Variants in NLGN1 observed in about 807,000 individuals in gnomAD.
NLGN1 encodes neuroligin-1.
NLGN1 carries 12 observed loss-of-function variants against 65.5 expected under a neutral mutation model. The ratio of observed to expected loss-of-function variants is 0.18; its 90% confidence interval spans 0.12 to 0.30. NLGN1 has a LOEUF of 0.30. Ranked by LOEUF, NLGN1 falls within the 10% of genes least tolerant of loss-of-function variation. The pLI, the probability that NLGN1 is intolerant of heterozygous loss-of-function variation, is 1.00. For synonymous variants in NLGN1, 350 were observed against 359.5 expected (o/e 0.97, Z 0.30); for missense variants, 750 against 1,007.1 (o/e 0.74, Z 3.46).
At chr3:173,524,568 C>T (rs1735321284) in intron 2 of NLGN1, among the ~76,000 whole-genome samples, 1 of 152,116 alleles carries the variant, frequency 6.6e-6, no homozygotes, top group South Asian at 2.1e-4. Context: ...TTTCTCTTGC[C>T]TGTTTGCTCT....
At chr3:173,493,910 T>C (rs989323170) in intron 2 of NLGN1, among the ~76,000 whole-genome samples, 2 of 151,832 alleles carry the variant, frequency 1.3e-5, no homozygotes, top group African/African-American at 2.4e-5. Flanking sequence ...AAAAATTTAT[T>C]AAAATTGAAA....
At chr3:173,675,887 T>TCTCTCTCTCTCTCTCTCTCTCA (rs756157881) in intron 3 of NLGN1, among the ~76,000 whole-genome samples, 1 of 138,576 alleles carries the variant, frequency 7.2e-6, no homozygotes, top group African/African-American at 2.8e-5. Flanking sequence ...TCTCTCTCTC[T>TCTCTCTCTCTCTCTCTCTCTCA]CACACACACA....
In NLGN1 at chr3:173,800,120, GT is replaced by G. The variant is rs753376266; in HGVS notation, c.494-7551del. Among the ~76,000 whole-genome samples, 377 of 147,588 alleles carry G rather than the reference GT, an allele frequency of 2.6e-3. 2 individuals are homozygous for G. Among genetic ancestry groups the G allele is most frequent in the African/African-American group, 5.6e-3 (227 of 40,318 alleles). ...TTCTATGAGATATTTTTGGGAAAGG[GT>G]TTTTTTTTCTTAAACAAAAATAGGT... On this transcript the variant is annotated intron_variant, in intron 3 of 6. Coordinates refer to ENST00000457714, the Ensembl canonical transcript of NLGN1.
rs567307688 is a variant in NLGN1 at position 173,849,728 on chromosome 3, A to G, written c.646+41896A>G. On this transcript the variant is annotated intron_variant, in intron 4 of 6. Coordinates refer to ENST00000457714, the Ensembl canonical transcript of NLGN1. Reference sequence around the variant, plus strand: ...GCTTTAGCCTCTCGTATAAATTTACATAACTCATTTAAACTATCTGAGGCT... The same window carrying G: ...GCTTTAGCCTCTCGTATAAATTTACGTAACTCATTTAAACTATCTGAGGCT... Among the ~76,000 whole-genome samples the G allele has an allele frequency of 3.9e-5, 6 of 152,278 alleles. No homozygotes were observed. The East Asian group carries it at 1.2e-3, about 29-fold the overall frequency.
At chr3:174,211,070 G>T (rs1348821451) in intron 4 of NLGN1, among the ~76,000 whole-genome samples, 1 of 152,130 alleles carries the variant, frequency 6.6e-6, no homozygotes, top group Middle Eastern at 3.2e-3. Flanking sequence ...CCTTCTGGTG[G>T]GTTCGTGGTC....
At chr3:173,548,213 A>G (rs972573162) in intron 2 of NLGN1, among the ~76,000 whole-genome samples, 1 of 152,092 alleles carries the variant, frequency 6.6e-6, no homozygotes, top group African/African-American at 2.4e-5. Flanking sequence ...CTCATAGTTT[A>G]TTGCCTTTGC....
At chr3:173,801,147 T>C (rs1328118577) in intron 3 of NLGN1, among the ~76,000 whole-genome samples, 4 of 151,970 alleles carry the variant, frequency 2.6e-5, no homozygotes, top group African/African-American at 9.6e-5. Flanking sequence ...ATTTTCTACT[T>C]CATTAATATC....
At chr3:174,105,352 A>G (rs1031419100) in intron 4 of NLGN1, among the ~76,000 whole-genome samples, 2 of 152,122 alleles carry the variant, frequency 1.3e-5, no homozygotes, top group African/African-American at 4.8e-5. Flanking sequence ...AGCCTGGGCA[A>G]CATGGTTAAA....
chr3:173,503,511 A>T (rs1731501696), intron 2 of NLGN1, among the ~76,000 whole-genome samples: 1 of 152,138 alleles, frequency 6.6e-6, no homozygotes, highest in African/African-American at 2.4e-5. Context: ...CATGAGAAAG[A>T]TTCCTATAAA....
At chr3:174,197,518 C>CAAAA (rs10663769) in intron 4 of NLGN1, among the ~76,000 whole-genome samples, 8 of 100,388 alleles carry the variant, frequency 8.0e-5, no homozygotes, top group Admixed American at 1.1e-4. Flanking sequence ...TACTTAACCT[C>CAAAA]AAAAAAAAAA....
chr3:173,731,234 C>G (rs1369108582), intron 3 of NLGN1, among the ~76,000 whole-genome samples: 1 of 151,902 alleles, frequency 6.6e-6, no homozygotes, highest in African/African-American at 2.4e-5. Flanking sequence ...TTCTTGAGTT[C>G]TGATAAGTTG....
rs189503240 is a variant in NLGN1 at position 174,186,734 on chromosome 3, A to T, written c.647-88581A>T. ...TGCTGATGCTTAAATTATACTTGTCATTCTAAAGATATTTATTGCACACTT... is the reference window on the plus strand; with the variant it reads ...TGCTGATGCTTAAATTATACTTGTCTTTCTAAAGATATTTATTGCACACTT... On this transcript the variant is annotated intron_variant, in intron 4 of 6. Transcript: ENST00000457714. 4.4e-4 allele frequency among the ~76,000 whole-genome samples: 67 copies of T among 152,196 alleles called. No homozygotes were observed. In the East Asian group the frequency reaches 0.012, roughly 28 times the overall value.
intron 4 of NLGN1, among the ~76,000 whole-genome samples, chr3:174,234,994 T>TTTTTTTTTTTTTTTTTTG: frequency 1.3e-5 from 1 of 78,354 alleles, no homozygotes; most frequent in Non-Finnish European, 2.6e-5. Flanking sequence ...CCTTTTTTTT[T>TTTTTTTTTTTTTTTTTTG]TTTTTTTTTT....
rs142938356 is a variant in NLGN1 at position 173,918,093 on chromosome 3, G to T, written c.646+110261G>T. On this transcript the variant is annotated intron_variant, in intron 4 of 6. Transcript: ENST00000457714. ...TGGTTATCATATTGGCACATATTAA[G>T]TATTCAGTCAATTATAGTACTTGTT... is the stretch of plus-strand genomic sequence containing the variant. 3.3e-3 allele frequency among the ~76,000 whole-genome samples: 506 copies of T among 152,186 alleles called. 1 individual carries two copies. Among genetic ancestry groups the T allele is most frequent in the African/African-American group, 0.012 (480 of 41,504 alleles).
chr3:173,445,279 A>C (rs1345512852), intron 2 of NLGN1, among the ~76,000 whole-genome samples: 1 of 131,832 alleles, frequency 7.6e-6, no homozygotes, highest in Non-Finnish European at 1.8e-5. Flanking sequence ...AAAAAAAAAA[A>C]AAAAAAAAAA....
chr3:173,866,653 T>G (rs1730238190), intron 4 of NLGN1, among the ~76,000 whole-genome samples: 1 of 152,224 alleles, frequency 6.6e-6, no homozygotes, highest in Non-Finnish European at 1.5e-5. Context: ...GGCATTCAAT[T>G]GATTTGTTGG....
rs567123761 is a variant in NLGN1 at position 173,547,841 on chromosome 3, G to A, written c.-320-56438G>A. On this transcript the variant is annotated intron_variant, in intron 2 of 6. Coordinates refer to ENST00000457714, the Ensembl canonical transcript of NLGN1. ...TACAATTCTGGGCCAGCAGGAAGGAGTACAATTTCTATTACAGGGGGGTAG... is the reference window on the plus strand; with the variant it reads ...TACAATTCTGGGCCAGCAGGAAGGAATACAATTTCTATTACAGGGGGGTAG... 7.9e-5 allele frequency among the ~76,000 whole-genome samples: 12 copies of A among 152,174 alleles called. No individual in the cohort carries two copies. In the East Asian group the frequency reaches 1.9e-3, roughly 25 times the overall value.
At chr3:173,708,840 G>T (rs185336790) in intron 3 of NLGN1, among the ~76,000 whole-genome samples, 4 of 152,236 alleles carry the variant, frequency 2.6e-5, no homozygotes, top group East Asian at 1.9e-4. Context: ...ATACTAATAA[G>T]TTTAATACAT....
At chr3:173,986,973 A>G (rs1311648859) in intron 4 of NLGN1, among the ~76,000 whole-genome samples, 1 of 152,236 alleles carries the variant, frequency 6.6e-6, no homozygotes, top group African/African-American at 2.4e-5. Flanking sequence ...TGTTTCAGCC[A>G]TAATAAGCAG....
Sources: allele counts gnomAD v4.1 joint callset (sites outside exome capture counted in the v4.1 genomes callset), GRCh38; gene constraint gnomAD v4.1.1; transcripts MANE v1.5; gene names NCBI Gene and HGNC (gene_info 2026-07-23, HGNC 2026-07-21).